The following CRB3 variants were observed in gnomAD, a reference collection of about 807,000 sequenced individuals.
The protein encoded by CRB3 is crumbs cell polarity complex component 3.
Under a neutral mutation model 10.4 loss-of-function variants are expected in CRB3, and 4 were observed. The observed-to-expected ratio is 0.39, with a 90% CI of 0.19 to 0.88. The LOEUF (loss-of-function observed/expected upper bound fraction) is 0.88, where lower values mean the gene tolerates loss of function less well. Among genes scored for constraint, CRB3 ranks in the 40% least tolerant of loss-of-function variants. The pLI is 0.39. For missense variants in CRB3, 154 were observed against 160.2 expected (o/e 0.96, Z 0.21); for synonymous variants, 74 against 73.4 (o/e 1.01, Z -0.04).
chr19:6,466,352 T>C lies in CRB3; in HGVS notation c.157-114T>C. 1 of 851,506 alleles carries C rather than the reference T, an allele frequency of 1.2e-6. No homozygotes were observed. Among genetic ancestry groups the C allele is most frequent in the South Asian group, 1.5e-5 (1 of 66,504 alleles). The allele number at this position is 851,506 out of a possible 1,614,324, so 52.7% of individuals were successfully genotyped here. On this transcript the variant is annotated intron_variant, in intron 3 of 3. Coordinates refer to ENST00000600229, the MANE Select transcript of CRB3 (RefSeq NM_139161.5). The surrounding 1 kb of genome is among the most constrained non-coding windows in gnomAD (Gnocchi z 4.9). ...ATCAGATCACCAAAAGTGGCAGATG[T>C]GTGTATGTGTGTGTGTGTGTTGTGG... is the stretch of plus-strand genomic sequence containing the variant.
Position 6,466,749 on chromosome 19 carries a change from G to A in CRB3, c.*77G>A. ...GCTTGTACACCGCAGCTGCCACCGA[G>A]ACACCAGCCTCTGATGGCTCAGGAG... On this transcript the variant is annotated 3_prime_UTR_variant, in exon 4 of 4. Transcript: ENST00000600229. The surrounding 1 kb of genome is among the most constrained non-coding windows in gnomAD (Gnocchi z 4.9). 1.9e-6 allele frequency: 3 copies of A among 1,556,172 alleles called. No homozygotes were observed. The highest frequency in any genetic ancestry group is 2.6e-6 in the Non-Finnish European group (3 of 1,155,396).
At chr19:6,465,773 G>A (rs567432329) in intron 3 of CRB3, among the ~76,000 whole-genome samples, 155 bp downstream of exon 3, 10 of 152,238 alleles carry the variant, frequency 6.6e-5, no homozygotes, top group Non-Finnish European at 8.8e-5. Context: ...TGAAGTCTTA[G>A]ACCAAGAAGA....
At chr19:6,465,063 G>A (rs183415421) in intron 2 of CRB3, 148 of 342,254 alleles carry the variant, frequency 4.3e-4, no homozygotes, top group African/African-American at 2.7e-3. Flanking sequence ...GACTTGGGGG[G>A]AGGTAAGGGC....
chr19:6,467,119 C>A lies in CRB3; in HGVS notation c.*447C>A. On this transcript the variant is annotated 3_prime_UTR_variant, in exon 4 of 4. Transcript: ENST00000600229. ...GTCAGATCCACCCAGTGCTTAATAG[C>A]AGGGAAGAAGGTACTTCAAAGACTC... 1 of 1,098,504 alleles carries A rather than the reference C, an allele frequency of 9.1e-7. No homozygotes were observed. Among genetic ancestry groups the A allele is most frequent in the Non-Finnish European group, 1.4e-6 (1 of 737,404 alleles). The allele number at this position is 1,098,504 out of a possible 1,614,324, so 68.0% of individuals were successfully genotyped here. A position where few individuals can be genotyped will look rare whatever the true frequency, so the allele number is the denominator to read the frequency against.
chr19:6,464,371 G>T lies in CRB3; in HGVS notation c.-95+21G>T, dbSNP rs1284247032. On this transcript the variant is annotated intron_variant, in intron 1 of 3. Transcript: ENST00000600229. The surrounding 1 kb of genome is among the most constrained non-coding windows in gnomAD (Gnocchi z 5.3). ...GCCAGGTAGGAAGGCAGGACGCACC[G>T]CTAGGCCTGCCCCCTCGCCCGTCCA... The T allele has an allele frequency of 8.0e-6, 2 of 249,444 alleles. No individual in the cohort carries two copies. The highest frequency in any genetic ancestry group is 1.5e-4 in the East Asian group (2 of 13,768). The allele number at this position is 249,444 out of a possible 1,614,324, so 15.5% of individuals were successfully genotyped here.
Position 6,464,672 on chromosome 19 carries a change from C to CCT in CRB3, c.-28_-27dup. The stretch of plus-strand genomic sequence containing the variant: ...GAGGGGCGAGCGCGAGAAGCCCCTT[C>CCT]CTCGGCGCTGCCAACCCGCCACCCA... On this transcript the variant is annotated 5_prime_UTR_variant, in exon 2 of 4. Coordinates refer to ENST00000600229, the MANE Select transcript of CRB3 (RefSeq NM_139161.5). This position sits in a 1 kb window ranked among gnomAD's most constrained non-coding sequence, Gnocchi z 5.3. 8.2e-7 allele frequency: 1 copy of CCT among 1,221,194 alleles called. No homozygotes were observed. Among genetic ancestry groups the CCT allele is most frequent in the African/African-American group, 1.6e-5 (1 of 64,378 alleles). 75.6% of individuals were successfully genotyped at this position (1,221,194 alleles called of 1,614,324 possible).
In CRB3 at chr19:6,466,060, C is replaced by T. The variant is rs1445264036; in HGVS notation, c.157-406C>T. Among the ~76,000 whole-genome samples, 3 of 152,004 alleles carry T rather than the reference C, an allele frequency of 2.0e-5. No homozygotes were observed. Among genetic ancestry groups the T allele is most frequent in the East Asian group, 1.9e-4 (1 of 5,186 alleles). ...CTAAAAATACAAAAAATTAGCCAGGCGGGGTGGCACACACCTGTAATCCCA... is the reference window on the plus strand; with the variant it reads ...CTAAAAATACAAAAAATTAGCCAGGTGGGGTGGCACACACCTGTAATCCCA... On this transcript the variant is annotated intron_variant, in intron 3 of 3. Coordinates refer to ENST00000600229, the MANE Select transcript of CRB3 (RefSeq NM_139161.5). The surrounding 1 kb of genome is among the most constrained non-coding windows in gnomAD (Gnocchi z 4.9).
rs541922335 is a variant in CRB3, at chr19:6,466,357, A to ATGTG, written c.157-97_157-94dup. The ATGTG allele has an allele frequency of 3.6e-6, 3 of 824,648 alleles. No individual in the cohort carries two copies. The highest frequency in any genetic ancestry group is 2.5e-4 in the Middle Eastern group (1 of 4,048). 51.1% of individuals were successfully genotyped at this position (824,648 alleles called of 1,614,324 possible). A position where few individuals can be genotyped will look rare whatever the true frequency, so the allele number is the denominator to read the frequency against. On this transcript the variant is annotated intron_variant, in intron 3 of 3. Coordinates refer to ENST00000600229, the MANE Select transcript of CRB3 (RefSeq NM_139161.5). This position sits in a 1 kb window ranked among gnomAD's most constrained non-coding sequence, Gnocchi z 4.9. ...ATCACCAAAAGTGGCAGATGTGTGT[A>ATGTG]TGTGTGTGTGTGTGTTGTGGGGTAG...
Position 6,465,538 on chromosome 19 carries a change from T to C in CRB3, c.83-7T>C. ...ACTGAGTTATTCTCTGCCTTCACCCTCCACAGTACAGACCACTTCTGCAAA... is the reference window on the plus strand; with the variant it reads ...ACTGAGTTATTCTCTGCCTTCACCCCCCACAGTACAGACCACTTCTGCAAA... On this transcript the variant is annotated splice_region_variant and splice_polypyrimidine_tract_variant and intron_variant, in intron 2 of 3. Coordinates refer to ENST00000600229, the MANE Select transcript of CRB3 (RefSeq NM_139161.5). 6.2e-7 allele frequency: 1 copy of C among 1,612,796 alleles called. No individual in the cohort carries two copies. Among genetic ancestry groups the C allele is most frequent in the South Asian group, 1.1e-5 (1 of 91,002 alleles).
chr19:6,465,583 C>T lies in CRB3; in HGVS notation c.121C>T (p.Pro41Ser), dbSNP rs2092790322. 7 of 1,614,026 alleles carry T rather than the reference C, an allele frequency of 4.3e-6. No homozygotes were observed. Among genetic ancestry groups the T allele is most frequent in the Non-Finnish European group, 5.1e-6 (6 of 1,179,940 alleles). ...TSANENSTVL[P>S]SSTSSSSDGN... is the part of the protein sequence containing the mutation. Reference sequence around the variant, plus strand: ...TGCAAATGAGAATAGCACTGTTTTGCCTTCATCCACCAGCTCCAGCTCCGA... The same window carrying T: ...TGCAAATGAGAATAGCACTGTTTTGTCTTCATCCACCAGCTCCAGCTCCGA... The change falls in exon 3 of 4, where the codon CCT becomes TCT. Residue 41 changes from proline to serine, a missense_variant. Transcript: ENST00000600229.
intron 3 of CRB3, among the ~76,000 whole-genome samples, chr19:6,465,969 G>A (rs992188027): frequency 4.6e-5 from 7 of 152,090 alleles, no homozygotes; most frequent in Non-Finnish European, 2.9e-5. Context: ...GGGAGGCCGA[G>A]GCAGGAAAAT....
In CRB3 at chr19:6,464,500, C is replaced by T. The variant is rs2092785240; in HGVS notation, c.-94-108C>T. ...AATCGCTGACCTCTGGCGGCTGGGG[C>T]GGGGCGGGACTCATGGGTGCCCTGG... On this transcript the variant is annotated intron_variant, in intron 1 of 3. Transcript: ENST00000600229. The surrounding 1 kb of genome is among the most constrained non-coding windows in gnomAD (Gnocchi z 5.3). 1.0e-5 allele frequency: 4 copies of T among 393,132 alleles called. No individual in the cohort carries two copies. Among genetic ancestry groups the T allele is most frequent in the Admixed American group, 4.4e-5 (1 of 22,524 alleles). 24.4% of individuals were successfully genotyped at this position (393,132 alleles called of 1,614,324 possible). A position where few individuals can be genotyped will look rare whatever the true frequency, so the allele number is the denominator to read the frequency against.
chr19:6,465,428 G>A (rs2092789566), intron 2 of CRB3, 117 bp from the exon 3 acceptor site: 2 of 830,294 alleles, frequency 2.4e-6, no homozygotes, highest in South Asian at 2.8e-5. Flanking sequence ...GAAAGGCAGA[G>A]TTTGAATTGG....
rs1321813576 is a variant in CRB3, at chr19:6,467,031, T to C, written c.*359T>C. 1 of 1,612,396 alleles carries C rather than the reference T, an allele frequency of 6.2e-7. No homozygotes were observed. The highest frequency in any genetic ancestry group is 8.5e-7 in the Non-Finnish European group (1 of 1,178,728). On this transcript the variant is annotated 3_prime_UTR_variant, in exon 4 of 4. Coordinates refer to ENST00000600229, the MANE Select transcript of CRB3 (RefSeq NM_139161.5). ...GCTGCCTGCCCATCTAGGTCCCCTC[T>C]CCTGCATCTGTCTCCCTTCATTGCT...
rs2092797158 is a variant in CRB3, at chr19:6,466,810, G to A, written c.*138G>A. ...GAGAGGCTGGGGGCACCCATGTGGT[G>A]GGCTCTGTGCAGCATGTTGCCTCTG... On this transcript the variant is annotated 3_prime_UTR_variant, in exon 4 of 4. Coordinates refer to ENST00000600229, the MANE Select transcript of CRB3 (RefSeq NM_139161.5). This position sits in a 1 kb window ranked among gnomAD's most constrained non-coding sequence, Gnocchi z 4.9. The A allele has an allele frequency of 1.9e-6, 3 of 1,555,172 alleles. No homozygotes were observed. The highest frequency in any genetic ancestry group is 2.6e-6 in the Non-Finnish European group (3 of 1,150,400).
In CRB3 at chr19:6,466,747, G is replaced by A. The variant is rs1275038495; in HGVS notation, c.*75G>A. On this transcript the variant is annotated 3_prime_UTR_variant, in exon 4 of 4. Coordinates refer to ENST00000600229, the MANE Select transcript of CRB3 (RefSeq NM_139161.5). This position sits in a 1 kb window ranked among gnomAD's most constrained non-coding sequence, Gnocchi z 4.9. The stretch of plus-strand genomic sequence containing the variant: ...TGGCTTGTACACCGCAGCTGCCACC[G>A]AGACACCAGCCTCTGATGGCTCAGG... 7.7e-6 allele frequency: 12 copies of A among 1,555,960 alleles called. No individual in the cohort carries two copies. The highest frequency in any genetic ancestry group is 4.7e-5 in the East Asian group (2 of 42,974).
rs763585771 is a variant in CRB3, at chr19:6,467,014, C to G, written c.*342C>G. 6.2e-7 allele frequency: 1 copy of G among 1,613,676 alleles called. No individual in the cohort carries two copies. The highest frequency in any genetic ancestry group is 8.5e-7 in the Non-Finnish European group (1 of 1,179,684). ...CAAGGAGACGGTGCAGGGCTGCCTG[C>G]CCATCTAGGTCCCCTCTCCTGCATC... On this transcript the variant is annotated 3_prime_UTR_variant, in exon 4 of 4. Coordinates refer to ENST00000600229, the MANE Select transcript of CRB3 (RefSeq NM_139161.5).
chr19:6,466,913 G>A lies in CRB3; in HGVS notation c.*241G>A. 1 of 1,606,692 alleles carries A rather than the reference G, an allele frequency of 6.2e-7. No homozygotes were observed. Among genetic ancestry groups the A allele is most frequent in the South Asian group, 1.1e-5 (1 of 90,360 alleles). ...TTGCGGAACCAACTTTTCTCTGTGT[G>A]TCCAGCAGGCCCCACAACCCCCTCT... is the stretch of plus-strand genomic sequence containing the variant. On this transcript the variant is annotated 3_prime_UTR_variant, in exon 4 of 4. Transcript: ENST00000600229. This position sits in a 1 kb window ranked among gnomAD's most constrained non-coding sequence, Gnocchi z 4.9.
Position 6,464,620 on chromosome 19 carries a change from A to T in CRB3, c.-82A>T, listed in dbSNP as rs972779373. The T allele has an allele frequency of 2.4e-6, 2 of 834,064 alleles. No individual in the cohort carries two copies. Among genetic ancestry groups the T allele is most frequent in the African/African-American group, 1.8e-5 (1 of 56,770 alleles). 51.7% of individuals were successfully genotyped at this position (834,064 alleles called of 1,614,324 possible). The stretch of plus-strand genomic sequence containing the variant: ...CTCCTGTCCCCAGGTGCCCCGTCGC[A>T]GGTGCCCCTGGCCGGAGATGCGGTA... On this transcript the variant is annotated 5_prime_UTR_variant, in exon 2 of 4. Transcript: ENST00000600229. The surrounding 1 kb of genome is among the most constrained non-coding windows in gnomAD (Gnocchi z 5.3).
Sources: gnomAD v4.1 joint callset for allele counts (sites outside exome capture counted in the v4.1 genomes callset) on GRCh38, gnomAD v4.1.1 for gene constraint, Gnocchi (gnomAD v3.1) non-coding constraint, MANE v1.5 for transcripts, NCBI Gene and HGNC (gene_info 2026-07-23, HGNC 2026-07-21) for gene names.